The following DCUN1D1 variants were observed in gnomAD, a reference collection of about 807,000 sequenced individuals.
DCUN1D1 encodes DCN1-like protein 1.
Under a neutral mutation model 39.0 loss-of-function variants are expected in DCUN1D1, and 3 were observed. The observed-to-expected ratio is 0.08, with a 90% CI of 0.04 to 0.20. DCUN1D1 has a LOEUF of 0.20. Among genes scored for constraint, DCUN1D1 ranks in the 10% least tolerant of loss-of-function variants. The probability of loss-of-function intolerance (pLI) is 1.00; values close to 1 mark genes in which losing one functional copy is unlikely to be tolerated. For synonymous variants in DCUN1D1, 82 were observed against 96.3 expected, an observed-to-expected ratio of 0.85 and a Z score of 0.87; for missense variants, 158 against 302.4, an observed-to-expected ratio of 0.52 and a Z score of 3.54.
Position 182,942,276 on chromosome 3 carries a change from T to C in DCUN1D1, c.*2818A>G, listed in dbSNP as rs1726172034. ...CCCAAAACATGCCATTACAATGCTC[T>C]TTCCATGAATAATTATTCTTCCTAG... On this transcript the variant is annotated 3_prime_UTR_variant, in exon 7 of 7. Transcript: ENST00000292782. 6.6e-6 allele frequency: 1 copy of C among 152,132 alleles called. No individual in the cohort carries two copies. 9.4% of individuals were successfully genotyped at this position (152,132 alleles called of 1,614,324 possible).
intron 1 of DCUN1D1, among the ~76,000 whole-genome samples, chr3:182,967,326 G>A (rs994384612): frequency 1.3e-5 from 2 of 151,854 alleles, no homozygotes; most frequent in African/African-American, 2.4e-5. Flanking sequence ...GTAGAAATGA[G>A]ACAAGAACAA....
At chr3:182,980,572 G>A, upstream of DCUN1D1, 3 of 1,167,960 alleles carry the variant, frequency 2.6e-6, no homozygotes, top group South Asian at 2.6e-5. Context: ...CCTCTCACGG[G>A]CTTGCCCGGC....
intron 1 of DCUN1D1, among the ~76,000 whole-genome samples, chr3:182,971,839 T>C (rs1352100025): frequency 6.6e-6 from 1 of 152,118 alleles, no homozygotes; most frequent in African/African-American, 2.4e-5. Flanking sequence ...ATTTACTACA[T>C]ACTGTCTTCA....
rs1390377931 is a variant in DCUN1D1, at chr3:182,954,360, C to T, written c.521-6728G>A. Among the ~76,000 whole-genome samples the T allele has an allele frequency of 5.3e-5, 8 of 152,172 alleles. No homozygotes were observed. In the South Asian group the frequency reaches 1.7e-3, roughly 32 times the overall value. ...AACAAAAAGAGGAAAGTTAAAAAAC[C>T]AGACAAAGCTAATTTATATCGTTTA... On this transcript the variant is annotated intron_variant, in intron 4 of 6. Transcript: ENST00000292782.
chr3:182,980,538 T>C lies in DCUN1D1; in HGVS notation c.-49A>G, dbSNP rs978493757. 2 of 1,224,800 alleles carry C rather than the reference T, an allele frequency of 1.6e-6. No individual in the cohort carries two copies. Among genetic ancestry groups the C allele is most frequent in the Non-Finnish European group, 2.1e-6 (2 of 965,400 alleles). The allele number at this position is 1,224,800 out of a possible 1,614,324, so 75.9% of individuals were successfully genotyped here. On this transcript the variant is annotated 5_prime_UTR_variant, in exon 1 of 7. Coordinates refer to ENST00000292782, the MANE Select transcript of DCUN1D1 (RefSeq NM_020640.4). ...CCTCCTCCTCCGGCTCCGCAGCGAA[T>C]GGACGGCGGCGGCGGCGGCGGCTCC...
intron 4 of DCUN1D1, chr3:182,955,575 T>G (rs1310204345): frequency 2.0e-6 from 1 of 502,402 alleles, no homozygotes; most frequent in Non-Finnish European, 4.0e-6. Context: ...AGCGCTGACA[T>G]ACTCCATCAG....
At chr3:182,963,730 AC>A (rs1429035881) in intron 3 of DCUN1D1, 150 bp downstream of exon 3, 1 of 633,900 alleles carries the variant, frequency 1.6e-6, no homozygotes, top group African/African-American at 1.8e-5. Flanking sequence ...AACCCAAAAA[AC>A]TGTATAACAT....
chr3:182,958,806 T>A lies in DCUN1D1; in HGVS notation c.520+2420A>T, dbSNP rs999584315. 6.6e-5 allele frequency among the ~76,000 whole-genome samples: 10 copies of A among 152,140 alleles called. No individual in the cohort carries two copies. The East Asian group carries it at 1.9e-3, about 29-fold the overall frequency. On this transcript the variant is annotated intron_variant, in intron 4 of 6. Transcript: ENST00000292782. ...CAATTTACCATATTAATATATCCAA[T>A]AGTTATAAAAATTTAATTTTGCTCA...
chr3:182,960,813 A>C (rs904011614), intron 4 of DCUN1D1, among the ~76,000 whole-genome samples: 7 of 152,204 alleles, frequency 4.6e-5, no homozygotes, highest in African/African-American at 1.7e-4. Flanking sequence ...TTTTCAAATA[A>C]ATCATAACAA....
intron 1 of DCUN1D1, among the ~76,000 whole-genome samples, chr3:182,973,178 G>GT (rs904210423): frequency 2.2e-4 from 34 of 152,220 alleles, no homozygotes; most frequent in African/African-American, 7.0e-4. Flanking sequence ...TATACACTAT[G>GT]TTTTTTTGAC....
At chr3:182,980,300 G>A (rs1728473189) in intron 1 of DCUN1D1, 187 bp downstream of exon 1, 5 of 350,438 alleles carry the variant, frequency 1.4e-5, no homozygotes, top group East Asian at 1.6e-4. Flanking sequence ...GGCTGCGCCC[G>A]GGCGGGAAGG....
chr3:182,977,170 A>G (rs554605804), intron 1 of DCUN1D1, among the ~76,000 whole-genome samples: 3 of 152,262 alleles, frequency 2.0e-5, no homozygotes, highest in South Asian at 4.1e-4. Context: ...ATACTGGGGG[A>G]AATGGTAGAC....
intron 4 of DCUN1D1, among the ~76,000 whole-genome samples, chr3:182,950,299 CACCACG>C (rs1726642796): frequency 6.6e-6 from 1 of 152,000 alleles, no homozygotes. Flanking sequence ...AGGAACGCAC[CACCACG>C]ACCGGCTAAT....
At chr3:182,973,949 T>C (rs1158101430) in intron 1 of DCUN1D1, among the ~76,000 whole-genome samples, 1 of 152,150 alleles carries the variant, frequency 6.6e-6, no homozygotes, top group Non-Finnish European at 1.5e-5. Flanking sequence ...TCAGAATTAC[T>C]AGTCAAAATT....
Position 182,959,501 on chromosome 3 carries a change from C to CAAAAAA in DCUN1D1, c.520+1719_520+1724dup, listed in dbSNP as rs11373344. Among the ~76,000 whole-genome samples the CAAAAAA allele has an allele frequency of 7.8e-4, 63 of 81,160 alleles. 2 individuals carry two copies. The highest frequency in any genetic ancestry group is 4.4e-3 in the East Asian group (9 of 2,040). 53.2% of individuals were successfully genotyped at this position (81,160 alleles called of 152,430 possible). ...CTCCAACTACTATATCTTCAAAAAC[C>CAAAAAA]AAAAAAAAAAAAAAAAAAAAAAAAA... On this transcript the variant is annotated intron_variant, in intron 4 of 6. Coordinates refer to ENST00000292782, the MANE Select transcript of DCUN1D1 (RefSeq NM_020640.4).
At chr3:182,958,728 CATA>C (rs558507312) in intron 4 of DCUN1D1, among the ~76,000 whole-genome samples, 2 of 152,136 alleles carry the variant, frequency 1.3e-5, no homozygotes, top group Non-Finnish European at 1.5e-5. Flanking sequence ...AATTCTTCAA[CATA>C]ATGCTTTCAC....
rs1291713699 is a variant in DCUN1D1, at chr3:182,942,483, CTCAAGTA to C, written c.*2604_*2610del. ...GATATTCACTAAAGATAATCTTCAT[CTCAAGTA>C]TTTTTTATATGTGGGCACTTCTAAT... On this transcript the variant is annotated 3_prime_UTR_variant, in exon 7 of 7. Transcript: ENST00000292782. 1 of 151,880 alleles carries C rather than the reference CTCAAGTA, an allele frequency of 6.6e-6. No homozygotes were observed. Among genetic ancestry groups the C allele is most frequent in the Non-Finnish European group, 1.5e-5 (1 of 67,962 alleles). The allele number at this position is 151,880 out of a possible 1,614,324, so 9.4% of individuals were successfully genotyped here.
chr3:182,979,595 C>CCT (rs573467140), intron 1 of DCUN1D1, among the ~76,000 whole-genome samples: 1 of 134,204 alleles, frequency 7.5e-6, no homozygotes, highest in East Asian at 2.1e-4. Context: ...CTGGAGAGGA[C>CCT]TTTTTCCCCC....
chr3:182,948,880 G>A (rs1421639428), intron 4 of DCUN1D1, among the ~76,000 whole-genome samples: 15 of 149,026 alleles, frequency 1.0e-4, no homozygotes, highest in South Asian at 4.3e-4. Context: ...AAACCCCATC[G>A]CTACTAAAAA....
Sources: gnomAD v4.1 joint callset for allele counts (sites outside exome capture counted in the v4.1 genomes callset) on GRCh38, gnomAD v4.1.1 for gene constraint, MANE v1.5 for transcripts, NCBI Gene and HGNC (gene_info 2026-07-23, HGNC 2026-07-21) for gene names.